The following TCF7L1 variants were observed in gnomAD, a reference collection of about 807,000 sequenced individuals.
TCF7L1 encodes the protein transcription factor 7 like 1, also known as transcription factor 7-like 1.
Under a neutral mutation model 63.7 loss-of-function variants are expected in TCF7L1, and 18 were observed. That is an observed-to-expected ratio of 0.28 (90% CI 0.20 to 0.42). TCF7L1 has a LOEUF of 0.42. Ranked by LOEUF, TCF7L1 falls within the 10% of genes least tolerant of loss-of-function variation. The pLI is 1.00. For missense variants in TCF7L1, 654 were observed against 779.3 expected (o/e 0.84, Z 1.91); for synonymous variants, 355 against 340.9 (o/e 1.04, Z -0.46).
At chr2:85,149,749 T>C (rs1337655143) in intron 3 of TCF7L1, among the ~76,000 whole-genome samples, 2 of 152,216 alleles carry the variant, frequency 1.3e-5, no homozygotes, top group Admixed American at 1.3e-4. Context: ...GGTCTCAAAC[T>C]CCTGACCTCA....
chr2:85,184,077 T>G (rs1278601774), intron 3 of TCF7L1, among the ~76,000 whole-genome samples: 2 of 151,634 alleles, frequency 1.3e-5, no homozygotes, highest in Admixed American at 6.6e-5. Flanking sequence ...CTCAGTGGAG[T>G]GAGGTTGTTT....
intron 3 of TCF7L1, among the ~76,000 whole-genome samples, chr2:85,153,340 A>ATGTTTTTTTTTT (rs750002994): frequency 9.8e-6 from 1 of 102,308 alleles, no homozygotes; most frequent in Non-Finnish European, 1.8e-5. Context: ...GCCTTTATAA[A>ATGTTTTTTTTTT]TTTTTTTTTT....
intron 3 of TCF7L1, among the ~76,000 whole-genome samples, chr2:85,172,839 T>A (rs938877079): frequency 6.6e-6 from 1 of 152,112 alleles, no homozygotes; most frequent in African/African-American, 2.4e-5. Context: ...CTATTTACAA[T>A]TGCAGCGTCC....
chr2:85,274,626 T>G (rs770942266), intron 3 of TCF7L1, among the ~76,000 whole-genome samples: 1 of 152,196 alleles, frequency 6.6e-6, no homozygotes, highest in Non-Finnish European at 1.5e-5. Context: ...ATTGGTAGCA[T>G]CTCTTCCGCG....
intron 6 of TCF7L1, 94 bp downstream of exon 6, chr2:85,304,091 G>C: frequency 1.6e-6 from 2 of 1,220,846 alleles, no homozygotes; most frequent in Non-Finnish European, 2.4e-6. Context: ...AGCCCCCTCA[G>C]AGGCAAGCCC....
At chr2:85,266,483 C>A (rs1680973600) in intron 3 of TCF7L1, among the ~76,000 whole-genome samples, 2 of 152,190 alleles carry the variant, frequency 1.3e-5, no homozygotes, top group African/African-American at 4.8e-5. Flanking sequence ...GGAGTGGAAC[C>A]CAGAGATTTT....
chr2:85,257,174 A>G (rs1375786137), intron 3 of TCF7L1, among the ~76,000 whole-genome samples: 1 of 152,084 alleles, frequency 6.6e-6, no homozygotes, highest in Admixed American at 6.6e-5. Flanking sequence ...TGATTGAGCC[A>G]TTGCACCCCA....
chr2:85,289,250 G>C (rs2104374785), intron 4 of TCF7L1, among the ~76,000 whole-genome samples: 1 of 151,732 alleles, frequency 6.6e-6, no homozygotes, highest in African/African-American at 2.4e-5. Flanking sequence ...GTGTGTGTGT[G>C]TGTATACTTA....
At chr2:85,262,719 G>C (rs181326722) in intron 3 of TCF7L1, among the ~76,000 whole-genome samples, 41 of 152,372 alleles carry the variant, frequency 2.7e-4, no homozygotes, top group Non-Finnish European at 1.3e-4. Flanking sequence ...AACTCTGAAA[G>C]CAATTAGAGA....
At chr2:85,213,854 C>T (rs903946517) in intron 3 of TCF7L1, among the ~76,000 whole-genome samples, 2 of 152,142 alleles carry the variant, frequency 1.3e-5, no homozygotes, top group African/African-American at 2.4e-5. Flanking sequence ...TCGACTGAAA[C>T]GTCTCACAGC....
chr2:85,276,412 C>T (rs898423570), intron 3 of TCF7L1, among the ~76,000 whole-genome samples: 2 of 152,126 alleles, frequency 1.3e-5, no homozygotes, highest in African/African-American at 2.4e-5. Context: ...TCCTGTGTGG[C>T]GGCTTCCCAC....
At position 85,306,184 on chromosome 2, in the gene TCF7L1, C is replaced by T. The variant is rs771172640; in HGVS notation, c.990-22C>T. ...GTTGTGTGACACCTGACATGCTAAC[C>T]TACAACCACGTGCCTTCCCAGGAAA... On this transcript the variant is annotated intron_variant, in intron 8 of 11. Coordinates refer to ENST00000282111, the MANE Select transcript of TCF7L1 (RefSeq NM_031283.3). This position sits in a 1 kb window ranked among gnomAD's most constrained non-coding sequence, Gnocchi z 4.3. 7 of 1,613,886 alleles carry T rather than the reference C, an allele frequency of 4.3e-6. No homozygotes were observed. Among genetic ancestry groups the T allele is most frequent in the South Asian group, 3.3e-5 (3 of 91,064 alleles).
chr2:85,294,052 T>TCTTTTTTC (rs1681789182), intron 4 of TCF7L1, among the ~76,000 whole-genome samples: 2 of 136,268 alleles, frequency 1.5e-5, no homozygotes, highest in Non-Finnish European at 3.1e-5. Flanking sequence ...TTTTTTTTTT[T>TCTTTTTTC]TTGAGATGGG....
In TCF7L1 at chr2:85,288,870, G is replaced by A. The variant is rs74583483; in HGVS notation, c.525+5292G>A. Among the ~76,000 whole-genome samples, 4 of 152,234 alleles carry A rather than the reference G, an allele frequency of 2.6e-5. No individual in the cohort carries two copies. The East Asian group carries it at 7.7e-4, about 29-fold the overall frequency. ...CTGTCTTCCCTCCAGTGTCCCCCAG[G>A]AGCACTGTGTCCAGCCACGCAAAAC... On this transcript the variant is annotated intron_variant, in intron 4 of 11. Coordinates refer to ENST00000282111, the MANE Select transcript of TCF7L1 (RefSeq NM_031283.3).
At chr2:85,266,817 T>C (rs879373156) in intron 3 of TCF7L1, among the ~76,000 whole-genome samples, 1 of 152,262 alleles carries the variant, frequency 6.6e-6, no homozygotes, top group Non-Finnish European at 1.5e-5. Flanking sequence ...CTTCCAATTA[T>C]TTTTATGTTT....
chr2:85,133,731 G>A lies in TCF7L1; in HGVS notation c.47G>A (p.Gly16Glu). The change falls in exon 1 of 12, where the codon GGG becomes GAG. Residue 16 changes from glycine (G) to glutamate (E), a missense_variant. This residue lies in a region of TCF7L1 where 404 missense variants were observed against 454.8 expected (regional missense o/e 0.89). Coordinates refer to ENST00000282111, the MANE Select transcript of TCF7L1 (RefSeq NM_031283.3). The surrounding 1 kb of genome is among the most constrained non-coding windows in gnomAD (Gnocchi z 4.4). ...GGCGGCGGCGGCGGCGGCGGCAGCG[G>A]GGGAGGCGGCGGCTCCAGCGCCGGG... ...GGGGGGGGGS[G>E]GGGGSSAGAA... 3 of 1,206,780 alleles carry A rather than the reference G, an allele frequency of 2.5e-6. No homozygotes were observed. The highest frequency in any genetic ancestry group is 2.1e-6 in the Non-Finnish European group (2 of 972,610). 74.8% of individuals were successfully genotyped at this position (1,206,780 alleles called of 1,614,324 possible).
In TCF7L1 at chr2:85,133,513, C is replaced by T. The variant is rs1237761886; in HGVS notation, c.-172C>T. The T allele has an allele frequency of 6.4e-6, 1 of 155,096 alleles. No individual in the cohort carries two copies. Among genetic ancestry groups the T allele is most frequent in the Non-Finnish European group, 1.4e-5 (1 of 72,334 alleles). 9.6% of individuals were successfully genotyped at this position (155,096 alleles called of 1,614,324 possible). ...GGGGCCCGAGCCGAGCCGCCTGCGC[C>T]CCGGCCGGGCAGCGCCGGGCCCGCT... On this transcript the variant is annotated 5_prime_UTR_variant, in exon 1 of 12. Transcript: ENST00000282111. This position sits in a 1 kb window ranked among gnomAD's most constrained non-coding sequence, Gnocchi z 4.4.
intron 3 of TCF7L1, among the ~76,000 whole-genome samples, chr2:85,231,893 A>G (rs1248613190): frequency 3.3e-5 from 5 of 152,168 alleles, no homozygotes; most frequent in Admixed American, 3.3e-4. Flanking sequence ...TGGGTGAGTC[A>G]GAGAGCTTCC....
chr2:85,268,851 G>A (rs553658128), intron 3 of TCF7L1, among the ~76,000 whole-genome samples: 75 of 152,118 alleles, frequency 4.9e-4, no homozygotes, highest in Non-Finnish European at 9.0e-4. Context: ...GCTGTGAGCT[G>A]GAAAGTCAGC....
Sources: gnomAD v4.1 joint callset for allele counts (sites outside exome capture counted in the v4.1 genomes callset) on GRCh38, gnomAD v4.1.1 for gene constraint, gnomAD v4.1.1 regional missense constraint, Gnocchi (gnomAD v3.1) non-coding constraint, MANE v1.5 for transcripts, NCBI Gene and HGNC (gene_info 2026-07-23, HGNC 2026-07-21) for gene names.